Variants in MSRA observed in about 807,000 individuals in gnomAD.
MSRA encodes mitochondrial peptide methionine sulfoxide reductase.
MSRA carries 54 observed loss-of-function variants against 31.3 expected under a neutral mutation model. The ratio of observed to expected loss-of-function variants is 1.73; its 90% CI spans 1.39 to 2.17. MSRA has a LOEUF of 2.17. Among genes scored for constraint, MSRA ranks in the 30% most tolerant of loss-of-function variants. MSRA has a pLI of 0.00. For missense variants in MSRA, 507 were observed against 300.9 expected, an observed-to-expected ratio of 1.69 and a Z score of -5.07; for synonymous variants, 169 against 116.5, an observed-to-expected ratio of 1.45 and a Z score of -2.90.
intron 1 of MSRA, among the ~76,000 whole-genome samples, chr8:10,142,035 C>T (rs1356078403): frequency 5.9e-5 from 9 of 152,230 alleles, no homozygotes; most frequent in East Asian, 3.9e-4. Flanking sequence ...CTTGGCTCAC[C>T]GCAACCTCTG....
intron 1 of MSRA, among the ~76,000 whole-genome samples, chr8:10,097,065 C>A (rs990907218): frequency 6.6e-6 from 1 of 152,122 alleles, no homozygotes; most frequent in African/African-American, 2.4e-5. Context: ...AAAAACCTGT[C>A]TATAGCTTTC....
intron 5 of MSRA, among the ~76,000 whole-genome samples, chr8:10,396,081 C>G (rs778577082): frequency 6.6e-6 from 1 of 152,186 alleles, no homozygotes; most frequent in African/African-American, 2.4e-5. Context: ...CTTAGAGGCA[C>G]CTTTTCATCT....
intron 4 of MSRA, 98 bp from the exon 5 acceptor site, chr8:10,319,785 A>G (rs921106209): frequency 2.3e-4 from 129 of 569,858 alleles, no homozygotes; most frequent in Middle Eastern, 4.0e-4. Flanking sequence ...CACAGGGACC[A>G]TATGAAAAGT....
intron 1 of MSRA, among the ~76,000 whole-genome samples, chr8:10,204,403 C>A (rs181471144): frequency 6.6e-6 from 1 of 152,238 alleles, no homozygotes; most frequent in East Asian, 1.9e-4. Flanking sequence ...GTCATAAATA[C>A]CCTAGACAGG....
intron 1 of MSRA, among the ~76,000 whole-genome samples, chr8:10,088,966 C>A (rs1798721552): frequency 6.6e-6 from 1 of 152,012 alleles, no homozygotes; most frequent in South Asian, 2.1e-4. Flanking sequence ...GAGAATAAAG[C>A]AGTGGTTTCC....
At chr8:10,151,823 C>G (rs1330744066) in intron 1 of MSRA, among the ~76,000 whole-genome samples, 1 of 152,196 alleles carries the variant, frequency 6.6e-6, no homozygotes, top group African/African-American at 2.4e-5. Context: ...CTGCGTGTGT[C>G]ACTTGATGAG....
At chr8:10,218,898 G>A (rs1396303842) in intron 2 of MSRA, among the ~76,000 whole-genome samples, 3 of 152,206 alleles carry the variant, frequency 2.0e-5, no homozygotes, top group African/African-American at 7.2e-5. Flanking sequence ...TTTGAGTAAA[G>A]CAAGAAGCAG....
At chr8:10,130,758 C>T (rs189958276) in intron 1 of MSRA, among the ~76,000 whole-genome samples, 38 of 152,244 alleles carry the variant, frequency 2.5e-4, no homozygotes, top group Middle Eastern at 3.4e-3. Context: ...ACAATTCTGG[C>T]GGTCGCTAAG....
chr8:10,095,934 A>G (rs1585135154), intron 1 of MSRA: 2 of 1,339,410 alleles, frequency 1.5e-6, no homozygotes, highest in African/African-American at 1.5e-5. Flanking sequence ...TGGCAAGGCA[A>G]ATTTCTAATT....
intron 2 of MSRA, among the ~76,000 whole-genome samples, chr8:10,212,676 T>C (rs552901985): frequency 2.0e-3 from 312 of 152,334 alleles, no homozygotes; most frequent in Non-Finnish European, 3.8e-3. Context: ...AATATTGTAC[T>C]AATACTTTCC....
chr8:10,153,286 G>T (rs1484885448), intron 1 of MSRA, among the ~76,000 whole-genome samples: 6 of 152,162 alleles, frequency 3.9e-5, no homozygotes, highest in Non-Finnish European at 5.9e-5. Flanking sequence ...ATGAGGTGGG[G>T]AAATAAGGAA....
intron 2 of MSRA, among the ~76,000 whole-genome samples, chr8:10,235,890 G>A (rs190972159): frequency 9.9e-5 from 15 of 152,216 alleles, no homozygotes; most frequent in African/African-American, 1.7e-4. Flanking sequence ...CATAAGGAAC[G>A]TAAATGACAA....
Position 10,384,255 on chromosome 8 carries a change from G to T in MSRA, c.544-43893G>T, listed in dbSNP as rs142467763. 6.8e-3 allele frequency among the ~76,000 whole-genome samples: 1,043 copies of T among 152,294 alleles called. 8 individuals carry two copies. Among genetic ancestry groups the T allele is most frequent in the African/African-American group, 0.022 (934 of 41,568 alleles). On this transcript the variant is annotated intron_variant, in intron 5 of 5. Coordinates refer to ENST00000317173, the MANE Select transcript of MSRA (RefSeq NM_012331.5). Reference sequence around the variant, plus strand: ...TGCCTTGAAATAGGAGCATCTCCCTGTACCCCAGCCTGCTTGCTCTGACGC... The same window carrying T: ...TGCCTTGAAATAGGAGCATCTCCCTTTACCCCAGCCTGCTTGCTCTGACGC...
At chr8:10,312,933 T>G (rs938178789) in intron 4 of MSRA, among the ~76,000 whole-genome samples, 2 of 152,230 alleles carry the variant, frequency 1.3e-5, no homozygotes, top group African/African-American at 4.8e-5. Context: ...AGCATTGTAT[T>G]TAATAATGAT....
At chr8:10,056,217 A>AG (rs1554532548) in intron 1 of MSRA, among the ~76,000 whole-genome samples, 1 of 151,422 alleles carries the variant, frequency 6.6e-6, no homozygotes, top group Non-Finnish European at 1.5e-5. Flanking sequence ...AAAAAAAAAA[A>AG]AAAACCCCAA....
intron 1 of MSRA, among the ~76,000 whole-genome samples, chr8:10,084,054 A>G (rs1045353768): frequency 2.0e-5 from 3 of 152,212 alleles, no homozygotes; most frequent in African/African-American, 7.2e-5. Context: ...GGACTTGTGC[A>G]GTGTCACATC....
At chr8:10,341,546 T>G (rs1048515084) in intron 5 of MSRA, among the ~76,000 whole-genome samples, 1 of 152,186 alleles carries the variant, frequency 6.6e-6, no homozygotes, top group Non-Finnish European at 1.5e-5. Context: ...GACATATATT[T>G]AAACCATATC....
chr8:10,364,202 A>G (rs1422559306), intron 5 of MSRA, among the ~76,000 whole-genome samples: 1 of 152,042 alleles, frequency 6.6e-6, no homozygotes, highest in Non-Finnish European at 1.5e-5. Flanking sequence ...TAGTAACTGA[A>G]TTGTCCCTGC....
intron 1 of MSRA, among the ~76,000 whole-genome samples, chr8:10,172,728 A>T (rs1805701795): frequency 6.6e-6 from 1 of 152,158 alleles, no homozygotes; most frequent in Non-Finnish European, 1.5e-5. Context: ...CTCACCAGAG[A>T]TGGGAAAGGA....
Sources: allele counts gnomAD v4.1 joint callset (sites outside exome capture counted in the v4.1 genomes callset), GRCh38; gene constraint gnomAD v4.1.1; transcripts MANE v1.5; gene names NCBI Gene and HGNC (gene_info 2026-07-23, HGNC 2026-07-21).